Variants in PLCB4 observed in about 807,000 individuals in gnomAD.
PLCB4 encodes 1-phosphatidylinositol 4,5-bisphosphate phosphodiesterase beta-4.
PLCB4 carries 77 observed loss-of-function variants against 178.8 expected under a neutral mutation model. The ratio of observed to expected loss-of-function variants is 0.43; its 90% CI spans 0.36 to 0.52. PLCB4 has a LOEUF of 0.52. PLCB4 is among the 20% of genes least tolerant of loss of function. The pLI, the probability that PLCB4 is intolerant of heterozygous loss-of-function variation, is 0.00. For missense variants in PLCB4, 1,024 were observed against 1,453.4 expected (o/e 0.70, Z 4.80); for synonymous variants, 496 against 490.8 (o/e 1.01, Z -0.14).
chr20:9,386,147 G>A (rs2037635732), intron 14 of PLCB4, among the ~76,000 whole-genome samples: 1 of 152,098 alleles, frequency 6.6e-6, no homozygotes, highest in African/African-American at 2.4e-5. Context: ...CAGGCACTTG[G>A]CAGGCCGAGG....
intron 4 of PLCB4, among the ~76,000 whole-genome samples, chr20:9,322,307 A>G (rs1030408706): frequency 5.9e-5 from 9 of 152,160 alleles, no homozygotes; most frequent in African/African-American, 2.2e-4. Context: ...AAAACATACT[A>G]TATGGAAAGA....
At chr20:9,137,608 G>A (rs755076487) in intron 2 of PLCB4, among the ~76,000 whole-genome samples, 8 of 152,120 alleles carry the variant, frequency 5.3e-5, no homozygotes, top group Non-Finnish European at 7.4e-5. Context: ...CAAAGAAATA[G>A]AAGGGTGAAA....
intron 1 of PLCB4, 38 bp downstream of exon 1, chr20:9,069,244 C>T (rs2089438840): frequency 6.6e-6 from 1 of 152,592 alleles, no homozygotes; most frequent in South Asian, 2.1e-4. Context: ...CGAGGATGCT[C>T]CCGCCCGCCT....
At chr20:9,454,063 T>C (rs2042921645) in intron 33 of PLCB4, among the ~76,000 whole-genome samples, 1 of 152,242 alleles carries the variant, frequency 6.6e-6, no homozygotes, top group African/African-American at 2.4e-5. Context: ...TATGTGATAA[T>C]TCCTCAATCT....
intron 24 of PLCB4, among the ~76,000 whole-genome samples, chr20:9,409,836 A>G (rs1327468410): frequency 1.3e-5 from 2 of 152,152 alleles, no homozygotes; most frequent in Non-Finnish European, 2.9e-5. Flanking sequence ...AGGTTTGCTT[A>G]AGAGCCTAGG....
At chr20:9,111,102 T>A (rs1279213995) in intron 2 of PLCB4, among the ~76,000 whole-genome samples, 1 of 151,878 alleles carries the variant, frequency 6.6e-6, no homozygotes, top group African/African-American at 2.4e-5. Context: ...AAATGCCAGA[T>A]TGAACGATGT....
At chr20:9,376,114 GT>G (rs911473486) in intron 12 of PLCB4, among the ~76,000 whole-genome samples, 28 of 152,172 alleles carry the variant, frequency 1.8e-4, no homozygotes, top group African/African-American at 6.7e-4. Context: ...TAGATTTTCA[GT>G]AGTAGCTTTA....
chr20:9,362,301 A>G (rs1332839369), intron 7 of PLCB4, among the ~76,000 whole-genome samples: 1 of 152,208 alleles, frequency 6.6e-6, no homozygotes, highest in Non-Finnish European at 1.5e-5. Flanking sequence ...CTTGTAAAAC[A>G]GTGGAGTGAT....
intron 3 of PLCB4, among the ~76,000 whole-genome samples, chr20:9,231,321 G>A (rs536818055): frequency 1.8e-4 from 27 of 152,260 alleles, no homozygotes; most frequent in Middle Eastern, 6.8e-3. Flanking sequence ...GGGTTAGGTC[G>A]TATGAAGCTC....
chr20:9,274,939 T>G (rs1348547969), intron 3 of PLCB4, among the ~76,000 whole-genome samples: 3 of 152,090 alleles, frequency 2.0e-5, no homozygotes. Context: ...AAGAAAAATA[T>G]AACCATGCTT....
At chr20:9,464,588 G>A (rs2043635701) in intron 35 of PLCB4, among the ~76,000 whole-genome samples, 1 of 152,052 alleles carries the variant, frequency 6.6e-6, no homozygotes, top group South Asian at 2.1e-4. Context: ...ATAAAAAAAT[G>A]ATAAAAGAGA....
At chr20:9,365,549 G>A (rs558900119) in intron 9 of PLCB4, 35 bp downstream of exon 9, 40 of 1,342,782 alleles carry the variant, frequency 3.0e-5, no homozygotes, top group African/African-American at 1.3e-4. Flanking sequence ...TCCGTGTCCC[G>A]GGTCAACGCT....
intron 2 of PLCB4, among the ~76,000 whole-genome samples, chr20:9,097,232 C>CTTTT (rs544568591): frequency 1.2e-5 from 1 of 81,082 alleles, no homozygotes; most frequent in East Asian, 4.2e-4. Flanking sequence ...ACAGCCTGGC[C>CTTTT]TTTTTTTTTT....
chr20:9,476,616 ATGG>A (rs2044563231), intron 38 of PLCB4, 98 bp from the exon 39 acceptor site: 2 of 820,040 alleles, frequency 2.4e-6, no homozygotes, highest in East Asian at 5.2e-5. Context: ...TTTTCTGTAT[ATGG>A]TTTTGCATTC....
intron 2 of PLCB4, among the ~76,000 whole-genome samples, chr20:9,150,490 G>A (rs1272381676): frequency 1.3e-5 from 2 of 152,226 alleles, no homozygotes; most frequent in East Asian, 3.9e-4. Context: ...ATAGGTTCTT[G>A]TATCTTTATT....
intron 2 of PLCB4, among the ~76,000 whole-genome samples, chr20:9,131,979 G>T (rs765674658): frequency 3.3e-5 from 5 of 152,090 alleles, no homozygotes; most frequent in Non-Finnish European, 7.4e-5. Context: ...GCATGTTCCA[G>T]CCCCAGTCAA....
chr20:9,154,507 T>G (rs1426782073), intron 2 of PLCB4, among the ~76,000 whole-genome samples: 1 of 152,186 alleles, frequency 6.6e-6, no homozygotes, highest in Non-Finnish European at 1.5e-5. Context: ...CTAATAATGC[T>G]CAGTCGTCTG....
chr20:9,303,393 G>A (rs1427074544), intron 3 of PLCB4, among the ~76,000 whole-genome samples: 4 of 152,218 alleles, frequency 2.6e-5, no homozygotes, highest in South Asian at 2.1e-4. Context: ...GCTTTTATGA[G>A]TTCAACTGTT....
At chr20:9,342,089 C>G (rs1239347402) in intron 7 of PLCB4, among the ~76,000 whole-genome samples, 2 of 152,118 alleles carry the variant, frequency 1.3e-5, no homozygotes, top group African/African-American at 2.4e-5. Flanking sequence ...TGTGGATACT[C>G]TTGCCCCCTT....
Sources: gnomAD v4.1 joint callset for allele counts (sites outside exome capture counted in the v4.1 genomes callset) on GRCh38, gnomAD v4.1.1 for gene constraint, MANE v1.5 for transcripts, NCBI Gene and HGNC (gene_info 2026-07-23, HGNC 2026-07-21) for gene names.